The following ANXA8 variants were observed in gnomAD, a reference collection of about 807,000 sequenced individuals.
ANXA8 encodes the protein annexin A8, also known as VAC-beta.
A neutral mutation model predicts 26.8 loss-of-function variants in ANXA8; 9 were observed. The observed-to-expected ratio is 0.34, with a 90% CI of 0.20 to 0.59. The LOEUF (loss-of-function observed/expected upper bound fraction) is 0.59. Among genes scored for constraint, ANXA8 ranks in the 20% least tolerant of loss-of-function variants. ANXA8 has a pLI of 0.84. For synonymous variants in ANXA8, 39 were observed against 94.8 expected (o/e 0.41, Z 3.42); for missense variants, 83 against 238.5 (o/e 0.35, Z 4.29).
the ANXA8 span, among the ~76,000 whole-genome samples, chr10:47,671,490 A>G: frequency 6.6e-6 from 1 of 152,034 alleles, no homozygotes; most frequent in Non-Finnish European, 1.5e-5. Context: ...GGGGGTTTGG[A>G]ATCCTATCTA....
chr10:47,480,816 A>ACATCCATC (rs1274300808), intron 1 of ANXA8, among the ~76,000 whole-genome samples: 14 of 104,320 alleles, frequency 1.3e-4, no homozygotes, highest in African/African-American at 4.5e-4. Context: ...TTTGACTACC[A>ACATCCATC]CATCCATCCA....
chr10:47,555,215 A>G, the ANXA8 span, among the ~76,000 whole-genome samples: 26 of 149,200 alleles, frequency 1.7e-4, no homozygotes, highest in African/African-American at 4.6e-4. Flanking sequence ...CAGTTTTATT[A>G]TAGAGTAACT....
chr10:47,660,528 G>A, the ANXA8 span, among the ~76,000 whole-genome samples: 2 of 151,690 alleles, frequency 1.3e-5, no homozygotes, highest in East Asian at 1.9e-4. Flanking sequence ...AGCCTCCCAA[G>A]GAGCTGGGAT....
At chr10:47,656,344 G>A in the ANXA8 span, among the ~76,000 whole-genome samples, 2 of 151,150 alleles carry the variant, frequency 1.3e-5, no homozygotes, top group East Asian at 3.9e-4. Flanking sequence ...GCTGCAGTGA[G>A]CTGTGATTGT....
At chr10:47,633,656 T>C in the ANXA8 span, among the ~76,000 whole-genome samples, 1 of 115,866 alleles carries the variant, frequency 8.6e-6, no homozygotes, top group African/African-American at 4.1e-5. Context: ...GAAAAGCTTG[T>C]ATCCCAGATA....
chr10:47,956,962 A>G, the ANXA8 span, among the ~76,000 whole-genome samples: 24 of 150,314 alleles, frequency 1.6e-4, no homozygotes, highest in Admixed American at 6.6e-4. Flanking sequence ...TGTAGGAAAT[A>G]TTTTTACTTC....
At chr10:47,624,242 CAAAAAA>C in the ANXA8 span, among the ~76,000 whole-genome samples, 10 of 29,218 alleles carry the variant, frequency 3.4e-4, no homozygotes, top group South Asian at 2.1e-3. Context: ...GACTCCATCT[CAAAAAA>C]AAAAAAAAAA....
chr10:47,894,215 T>C, the ANXA8 span, among the ~76,000 whole-genome samples: 4 of 137,686 alleles, frequency 2.9e-5, no homozygotes, highest in African/African-American at 6.0e-5. Context: ...ACTGAACATA[T>C]GTAACACCTA....
chr10:47,649,187 G>A, the ANXA8 span, among the ~76,000 whole-genome samples: 2,007 of 146,366 alleles, frequency 0.014, 53 homozygotes, highest in African/African-American at 0.049. Flanking sequence ...ACTGGAATTA[G>A]CAAAACTTTA....
the ANXA8 span, among the ~76,000 whole-genome samples, chr10:47,703,664 A>G: frequency 1.3e-5 from 2 of 151,694 alleles, no homozygotes; most frequent in Non-Finnish European, 2.9e-5. Flanking sequence ...GCACTGATAG[A>G]TGCTAAAATT....
chr10:47,665,039 G>A, the ANXA8 span, among the ~76,000 whole-genome samples: 4,251 of 145,892 alleles, frequency 0.029, 151 homozygotes, highest in Admixed American at 0.14. Context: ...GAAATACTGG[G>A]TTTTAATCAA....
At chr10:47,672,115 A>G in the ANXA8 span, among the ~76,000 whole-genome samples, 2 of 150,566 alleles carry the variant, frequency 1.3e-5, no homozygotes, top group Non-Finnish European at 2.9e-5. Flanking sequence ...ATTGCAATCT[A>G]ATTTTTAGTG....
chr10:47,678,448 CA>C, the ANXA8 span, among the ~76,000 whole-genome samples: 23 of 124,634 alleles, frequency 1.8e-4, no homozygotes, highest in African/African-American at 5.7e-4. Flanking sequence ...GACTTTGTCG[CA>C]AAAAAAACCA....
At chr10:47,508,006 C>T in the ANXA8 span, among the ~76,000 whole-genome samples, 68 of 122,978 alleles carry the variant, frequency 5.5e-4, 6 homozygotes, top group African/African-American at 1.7e-3. Context: ...GCGATTCTCA[C>T]GCCTCAGCCT....
the ANXA8 span, among the ~76,000 whole-genome samples, chr10:47,937,543 T>G: frequency 7.7e-5 from 11 of 143,126 alleles, 1 homozygote; most frequent in African/African-American, 2.3e-4. Flanking sequence ...GGGGATTTGT[T>G]GCACAGATTA....
the ANXA8 span, among the ~76,000 whole-genome samples, chr10:47,557,910 G>A: frequency 2.0e-5 from 3 of 151,992 alleles, no homozygotes; most frequent in South Asian, 6.2e-4. Flanking sequence ...GAGCTGGTTT[G>A]TTTTCTTCAT....
At chr10:47,957,024 G>C in the ANXA8 span, among the ~76,000 whole-genome samples, 1 of 150,436 alleles carries the variant, frequency 6.6e-6, no homozygotes, top group African/African-American at 2.5e-5. Flanking sequence ...CTTCCCCGGA[G>C]AGGCTCTTTG....
the ANXA8 span, among the ~76,000 whole-genome samples, chr10:47,555,673 A>G: frequency 6.6e-6 from 1 of 151,976 alleles, no homozygotes. Flanking sequence ...TATGCCCTAC[A>G]GAACTCAGAA....
At chr10:47,502,750 C>A in the ANXA8 span, 1 of 1,591,172 alleles carries the variant, frequency 6.3e-7, no homozygotes, top group Non-Finnish European at 8.6e-7. Context: ...CTCACTCTGG[C>A]TGGTCAGCTG....
Sources: gnomAD v4.1 joint callset for allele counts (sites outside exome capture counted in the v4.1 genomes callset) on GRCh38, gnomAD v4.1.1 for gene constraint, MANE v1.5 for transcripts, NCBI Gene and HGNC (gene_info 2026-07-23, HGNC 2026-07-21) for gene names.